Variants in NLGN4X observed in about 807,000 individuals in gnomAD.
NLGN4X encodes neuroligin 4 X-linked, also known as neuroligin-4, X-linked.
In NLGN4X, 3 loss-of-function variants were observed where a neutral mutation model predicts 40.3. That is an observed-to-expected ratio of 0.07 (90% CI 0.03 to 0.19). NLGN4X has a LOEUF of 0.19. Ranked by LOEUF, NLGN4X falls within the 10% of genes least tolerant of loss-of-function variation. The pLI is 1.00. For synonymous variants in NLGN4X, 270 were observed against 306.8 expected (o/e 0.88, Z 1.25); for missense variants, 382 against 708.3 (o/e 0.54, Z 5.23).
At chrX:6,070,658 C>T (rs2038037966) in intron 2 of NLGN4X, among the ~76,000 whole-genome samples, 1 of 112,024 alleles carries the variant, frequency 8.9e-6, no homozygotes, top group Non-Finnish European at 1.9e-5. Flanking sequence ...TTTGTTTTCA[C>T]ACTTCTATAA....
intron 3 of NLGN4X, among the ~76,000 whole-genome samples, chrX:6,015,391 A>ACTCT (rs1275437554): frequency 9.3e-6 from 1 of 106,987 alleles, no homozygotes; most frequent in Non-Finnish European, 1.9e-5. Flanking sequence ...ACTCTATCTC[A>ACTCT]CTCTCTCTCT....
intron 3 of NLGN4X, among the ~76,000 whole-genome samples, chrX:5,952,839 G>A (rs1025863030): frequency 9.0e-6 from 1 of 110,721 alleles, no homozygotes; most frequent in African/African-American, 3.3e-5. Context: ...CAGTAAAATT[G>A]TACATGTCCC....
intron 2 of NLGN4X, among the ~76,000 whole-genome samples, chrX:6,081,217 G>A (rs2147402360): frequency 8.9e-6 from 1 of 111,917 alleles, no homozygotes; most frequent in East Asian, 2.8e-4. Flanking sequence ...GAGCCTAGGA[G>A]GTTGAGGCTG....
intron 2 of NLGN4X, among the ~76,000 whole-genome samples, chrX:6,037,978 T>C (rs17220985): frequency 2.7e-5 from 3 of 111,950 alleles, no homozygotes; most frequent in Admixed American, 9.5e-5. Flanking sequence ...CAAATATGTG[T>C]TGACCCTTTT....
rs752430916 is a variant in NLGN4X, at chrX:6,213,625, G to A, written c.-306+14916C>T. Among the ~76,000 whole-genome samples the A allele has an allele frequency of 7.1e-5, 8 of 112,210 alleles. No homozygotes were observed. In the East Asian group the frequency reaches 2.2e-3, roughly 31 times the overall value. Reference sequence around the variant, plus strand: ...GAAACTATCCTAAAATTTTTAAAAGGTTATTTTAAAAAATGAAAACAGTAG... The same window carrying A: ...GAAACTATCCTAAAATTTTTAAAAGATTATTTTAAAAAATGAAAACAGTAG... On this transcript the variant is annotated intron_variant, in intron 1 of 5. Transcript: ENST00000381095.
In NLGN4X at chrX:5,903,655, C is replaced by A; in HGVS notation, c.1023G>T (p.Gly341=). Residue 341 remains glycine, a synonymous_variant, in exon 5 of 6, where the codon GGG becomes GGT. Coordinates refer to ENST00000381095, the MANE Select transcript of NLGN4X (RefSeq NM_181332.3). The part of the protein sequence containing the change: ...ITPATYHIAF[G]PVIDGDVIPD... ...GGATGACGTCGCCGTCGATCACCGG[C>A]CCGAAGGCTATGTGGTAGGTGGCCG... The A allele has an allele frequency of 4.1e-6, 5 of 1,211,963 alleles. No individual in the cohort carries two copies. The highest frequency in any genetic ancestry group is 5.6e-6 in the Non-Finnish European group (5 of 895,596).
At chrX:6,063,764 A>G (rs904054970) in intron 2 of NLGN4X, among the ~76,000 whole-genome samples, 12 of 112,392 alleles carry the variant, frequency 1.1e-4, no homozygotes, top group African/African-American at 3.9e-4. Context: ...CTTAGAGAAT[A>G]AATGATTTGA....
At chrX:6,190,815 CT>C (rs1196780777) in intron 1 of NLGN4X, among the ~76,000 whole-genome samples, 2 of 111,311 alleles carry the variant, frequency 1.8e-5, no homozygotes, top group Non-Finnish European at 3.8e-5. Context: ...CCAAGATGGA[CT>C]TTTTGAGTCC....
At chrX:6,223,872 G>A (rs1025453284) in intron 1 of NLGN4X, among the ~76,000 whole-genome samples, 4 of 112,716 alleles carry the variant, frequency 3.5e-5, no homozygotes, top group South Asian at 3.6e-4. Context: ...AATAGGAGAC[G>A]AAGTCTCTCC....
intron 3 of NLGN4X, among the ~76,000 whole-genome samples, chrX:5,940,217 T>A (rs977682946): frequency 2.7e-5 from 3 of 112,089 alleles, no homozygotes; most frequent in African/African-American, 6.5e-5. Context: ...AAGCCATTAT[T>A]TTCCAGGACT....
chrX:6,176,463 T>C lies in NLGN4X; in HGVS notation c.-305-24692A>G, dbSNP rs192392152. On this transcript the variant is annotated intron_variant, in intron 1 of 5. Coordinates refer to ENST00000381095, the MANE Select transcript of NLGN4X (RefSeq NM_181332.3). ...ACTTGTGACTTTGTGTGACCTTACA[T>C]GGAAAAGAGATTCAAATGAAAGAGG... 5.8e-3 allele frequency among the ~76,000 whole-genome samples: 650 copies of C among 112,256 alleles called. 4 individuals carry two copies. The highest frequency in any genetic ancestry group is 9.0e-3 in the Non-Finnish European group (478 of 53,276).
chrX:6,114,386 A>T (rs1213249417), intron 2 of NLGN4X, among the ~76,000 whole-genome samples: 1 of 110,921 alleles, frequency 9.0e-6, no homozygotes, highest in Non-Finnish European at 1.9e-5. Flanking sequence ...TTCTTGTGAG[A>T]TTGCCTTTTA....
intron 2 of NLGN4X, among the ~76,000 whole-genome samples, chrX:6,138,105 AG>A (rs1432001126): frequency 8.9e-6 from 1 of 112,164 alleles, no homozygotes. Context: ...ATTTTGTCAT[AG>A]GAAGTGGAGG....
intron 1 of NLGN4X, among the ~76,000 whole-genome samples, chrX:6,198,002 T>C (rs1191545201): frequency 9.2e-6 from 1 of 109,060 alleles, no homozygotes; most frequent in African/African-American, 3.4e-5. Flanking sequence ...GAGCAGAGGC[T>C]GCAGTGAGCT....
At chrX:5,950,481 G>A (rs2034271120) in intron 3 of NLGN4X, among the ~76,000 whole-genome samples, 1 of 112,062 alleles carries the variant, frequency 8.9e-6, no homozygotes, top group African/African-American at 3.2e-5. Flanking sequence ...TCTATGGGAT[G>A]TGGCTGCACT....
At chrX:6,072,941 T>C (rs1222344999) in intron 2 of NLGN4X, among the ~76,000 whole-genome samples, 1 of 112,367 alleles carries the variant, frequency 8.9e-6, no homozygotes, top group Non-Finnish European at 1.9e-5. Context: ...CTCCCAAATC[T>C]AGTCACAGAT....
At chrX:6,037,864 C>A (rs1484813919) in intron 2 of NLGN4X, among the ~76,000 whole-genome samples, 6 of 111,368 alleles carry the variant, frequency 5.4e-5, no homozygotes, top group Non-Finnish European at 9.4e-5. Flanking sequence ...ATCTTCTAAT[C>A]CAATGCAATA....
intron 3 of NLGN4X, among the ~76,000 whole-genome samples, chrX:5,932,940 A>G (rs182001393): frequency 9.0e-6 from 1 of 111,706 alleles, no homozygotes; most frequent in East Asian, 2.8e-4. Flanking sequence ...AAGAACATCA[A>G]AGACAAACAG....
At position 6,090,460 on chromosome X, in the gene NLGN4X, A is replaced by G. The variant is rs980278669; in HGVS notation, c.472+60535T>C. 2.0e-4 allele frequency among the ~76,000 whole-genome samples: 22 copies of G among 111,227 alleles called. 1 individual carries two copies. Among genetic ancestry groups the G allele is most frequent in the African/African-American group, 6.5e-4 (20 of 30,652 alleles). On this transcript the variant is annotated intron_variant, in intron 2 of 5. Coordinates refer to ENST00000381095, the MANE Select transcript of NLGN4X (RefSeq NM_181332.3). ...TCTGAATCTCATTTTGAGACACATAAAAGTAGACCATAGAATCAGAACAAG... is the reference window on the plus strand; with the variant it reads ...TCTGAATCTCATTTTGAGACACATAGAAGTAGACCATAGAATCAGAACAAG...
Sources: allele counts gnomAD v4.1 joint callset (sites outside exome capture counted in the v4.1 genomes callset), GRCh38; gene constraint gnomAD v4.1.1; transcripts MANE v1.5; gene names NCBI Gene and HGNC (gene_info 2026-07-23, HGNC 2026-07-21).